GRM5: variants seen among roughly 807,000 people sequenced by gnomAD.
GRM5 encodes the protein metabotropic glutamate receptor 5.
Under a neutral mutation model 83.1 loss-of-function variants are expected in GRM5, and 19 were observed. That is an observed-to-expected ratio of 0.23 (90% CI 0.16 to 0.34). GRM5 has a LOEUF of 0.34. Ranked by LOEUF, GRM5 falls within the 10% of genes least tolerant of loss-of-function variation. The probability of loss-of-function intolerance (pLI) is 1.00; values close to 1 mark genes in which losing one functional copy is unlikely to be tolerated. For missense variants in GRM5, 1,160 were observed against 1,588.3 expected, an observed-to-expected ratio of 0.73 and a Z score of 4.58; for synonymous variants, 675 against 633.6, an observed-to-expected ratio of 1.07 and a Z score of -0.98.
intron 3 of GRM5, among the ~76,000 whole-genome samples, chr11:88,706,930 G>A (rs1230591365): frequency 6.6e-6 from 1 of 152,086 alleles, no homozygotes; most frequent in Admixed American, 6.6e-5. Flanking sequence ...TTATATTTAA[G>A]TTTATTGCTG....
At chr11:88,835,226 C>T (rs1565253852) in intron 3 of GRM5, among the ~76,000 whole-genome samples, 1 of 152,142 alleles carries the variant, frequency 6.6e-6, no homozygotes, top group Non-Finnish European at 1.5e-5. Context: ...AAACCTGATA[C>T]ATAAACCTGA....
At chr11:88,551,268 C>T (rs867154330) in intron 8 of GRM5, among the ~76,000 whole-genome samples, 6 of 152,292 alleles carry the variant, frequency 3.9e-5, no homozygotes, top group Middle Eastern at 3.4e-3. Context: ...CTACACTCCA[C>T]TTTCCCTTCT....
At chr11:88,593,225 A>G (rs1937687620) in intron 6 of GRM5, among the ~76,000 whole-genome samples, 1 of 152,190 alleles carries the variant, frequency 6.6e-6, no homozygotes, top group Admixed American at 6.5e-5. Context: ...ATGCCATGAG[A>G]TGTTGATATC....
At chr11:88,962,076 A>C (rs1190639818) in intron 2 of GRM5, among the ~76,000 whole-genome samples, 1 of 152,214 alleles carries the variant, frequency 6.6e-6, no homozygotes, top group Non-Finnish European at 1.5e-5. Context: ...TGAGATGCAT[A>C]AGTAGTGCAT....
chr11:88,903,445 G>A (rs1017321246), intron 2 of GRM5, among the ~76,000 whole-genome samples: 16 of 152,080 alleles, frequency 1.1e-4, no homozygotes, highest in Admixed American at 9.2e-4. Flanking sequence ...ATGCCTGCTC[G>A]CATATGTTTA....
intron 8 of GRM5, among the ~76,000 whole-genome samples, chr11:88,528,185 T>TCAAAACAATATATAA (rs1941925682): frequency 6.6e-6 from 1 of 152,030 alleles, no homozygotes; most frequent in African/African-American, 2.4e-5. Context: ...TAATGAAAAT[T>TCAAAACAATATATAA]CAAAACAATA....
At chr11:89,008,932 G>C (rs1940606242) in intron 2 of GRM5, 1 of 537,664 alleles carries the variant, frequency 1.9e-6, no homozygotes, top group Non-Finnish European at 3.4e-6. Flanking sequence ...TCTTAATTAA[G>C]GGCATTTTAG....
At chr11:88,737,978 G>A (rs973495714) in intron 3 of GRM5, among the ~76,000 whole-genome samples, 2 of 152,106 alleles carry the variant, frequency 1.3e-5, no homozygotes, top group African/African-American at 4.8e-5. Context: ...AAAGATAGAT[G>A]TGAAAATGAA....
At chr11:89,045,389 C>T (rs1268245894) in intron 2 of GRM5, among the ~76,000 whole-genome samples, 1 of 152,114 alleles carries the variant, frequency 6.6e-6, no homozygotes, top group African/African-American at 2.4e-5. Context: ...TCTCTGAGAA[C>T]AATTCTATGA....
Position 88,508,949 on chromosome 11 carries a change from G to A in GRM5, c.3282C>T (p.Cys1094=). ...TCTCTTTGGGGATCAGGTAGGACGA[G>A]CAGAGCGGGGCGCCGACGCCGGGGC... The part of the protein sequence containing the change: ...APSPGVGAPL[C]SSYLIPKEIQ... The change falls in exon 10 of 10, where the codon TGC becomes TGT. Residue 1094 remains cysteine (C), a synonymous_variant. Transcript: ENST00000305447. The surrounding 1 kb of genome is among the most constrained non-coding windows in gnomAD (Gnocchi z 4.2). 6.3e-7 allele frequency: 1 copy of A among 1,594,382 alleles called. No homozygotes were observed. Among genetic ancestry groups the A allele is most frequent in the South Asian group, 1.1e-5 (1 of 87,532 alleles).
intron 8 of GRM5, among the ~76,000 whole-genome samples, chr11:88,548,491 GA>G (rs1565334016): frequency 1.3e-5 from 2 of 152,160 alleles, no homozygotes; most frequent in African/African-American, 4.8e-5. Flanking sequence ...TTCATTATGC[GA>G]AGGGAGTGTT....
At chr11:88,563,830 A>C (rs1010635518) in intron 8 of GRM5, among the ~76,000 whole-genome samples, 2 of 152,238 alleles carry the variant, frequency 1.3e-5, no homozygotes, top group African/African-American at 4.8e-5. Context: ...GGCTTTTCAT[A>C]AAAGTAATTA....
intron 2 of GRM5, among the ~76,000 whole-genome samples, chr11:88,861,854 T>G (rs1282202826): frequency 6.6e-6 from 1 of 152,112 alleles, no homozygotes; most frequent in Non-Finnish European, 1.5e-5. Context: ...AGGATATTGT[T>G]TATGTTTTAT....
In GRM5 at chr11:88,506,947, A is replaced by G. The variant is rs531382978; in HGVS notation, c.*1645T>C. On this transcript the variant is annotated 3_prime_UTR_variant, in exon 10 of 10. Transcript: ENST00000305447. ...CTGCCTCACAGCACATATTTTTCAT[A>G]AGGCTATCTTAAGTATAAGGCTGGG... is the stretch of plus-strand genomic sequence containing the variant. 1.3e-5 allele frequency: 2 copies of G among 152,246 alleles called. No homozygotes were observed. The highest frequency in any genetic ancestry group is 2.9e-5 in the Non-Finnish European group (2 of 68,024). The allele number at this position is 152,246 out of a possible 1,614,324, so 9.4% of individuals were successfully genotyped here. A position where few individuals can be genotyped will look rare whatever the true frequency, so the allele number is the denominator to read the frequency against.
intron 3 of GRM5, among the ~76,000 whole-genome samples, chr11:88,757,225 C>T (rs530423166): frequency 1.3e-5 from 2 of 152,282 alleles, no homozygotes; most frequent in Admixed American, 6.5e-5. Flanking sequence ...TCGGGAGATA[C>T]ACTGCAAGCT....
intron 3 of GRM5, among the ~76,000 whole-genome samples, chr11:88,725,466 G>GACTT (rs1300358381): frequency 1.3e-5 from 2 of 152,302 alleles, no homozygotes; most frequent in African/African-American, 4.8e-5. Flanking sequence ...AGCTTCAGCA[G>GACTT]ACTTAAATGT....
At chr11:88,613,935 T>G (rs1938397952) in intron 4 of GRM5, among the ~76,000 whole-genome samples, 1 of 152,158 alleles carries the variant, frequency 6.6e-6, no homozygotes, top group African/African-American at 2.4e-5. Context: ...GTCAGTCTTA[T>G]AACCTACCTT....
At chr11:88,877,893 A>C (rs1295185473) in intron 2 of GRM5, among the ~76,000 whole-genome samples, 1 of 151,956 alleles carries the variant, frequency 6.6e-6, no homozygotes, top group Admixed American at 6.6e-5. Flanking sequence ...ATTGGGAGAG[A>C]TATCTAATGC....
chr11:88,950,390 C>T (rs1240791194), intron 2 of GRM5, among the ~76,000 whole-genome samples: 1 of 147,270 alleles, frequency 6.8e-6, no homozygotes, highest in Non-Finnish European at 1.5e-5. Flanking sequence ...GTAACATATG[C>T]ACAGAGAGGG....
Sources: gnomAD v4.1 joint callset for allele counts (sites outside exome capture counted in the v4.1 genomes callset) on GRCh38, gnomAD v4.1.1 for gene constraint, Gnocchi (gnomAD v3.1) non-coding constraint, MANE v1.5 for transcripts, NCBI Gene and HGNC (gene_info 2026-07-23, HGNC 2026-07-21) for gene names.